Variants in NBEAL1 observed in about 807,000 individuals in gnomAD.
NBEAL1 encodes the protein neurobeachin like 1.
A neutral mutation model predicts 351.3 loss-of-function variants in NBEAL1; 273 were observed. The ratio of observed to expected loss-of-function variants is 0.78; its 90% CI spans 0.70 to 0.86. The LOEUF (loss-of-function observed/expected upper bound fraction) is 0.86. Ranked by LOEUF, NBEAL1 falls within the 40% of genes least tolerant of loss-of-function variation. The probability of loss-of-function intolerance (pLI) is 0.00; values close to 1 mark genes in which losing one functional copy is unlikely to be tolerated. For synonymous variants in NBEAL1, 1,050 were observed against 1,086.4 expected, an observed-to-expected ratio of 0.97 and a Z score of 0.66; for missense variants, 2,961 against 3,201.3, an observed-to-expected ratio of 0.92 and a Z score of 1.81.
intron 2 of NBEAL1, among the ~76,000 whole-genome samples, chr2:203,034,046 G>A (rs1450299030): frequency 6.6e-6 from 1 of 151,558 alleles, no homozygotes; most frequent in African/African-American, 2.4e-5. Flanking sequence ...GCATTTACTT[G>A]TTTATACCTC....
intron 35 of NBEAL1, 43 bp from the exon 36 acceptor site, chr2:203,157,656 G>T: frequency 6.8e-7 from 1 of 1,464,848 alleles, no homozygotes; most frequent in Non-Finnish European, 9.1e-7. Context: ...CTATAATATT[G>T]TTTTTTACTT....
chr2:203,054,225 G>A (rs1392896692), intron 4 of NBEAL1, among the ~76,000 whole-genome samples: 1 of 151,868 alleles, frequency 6.6e-6, no homozygotes, highest in East Asian at 1.9e-4. Flanking sequence ...CAGGAGTTCC[G>A]GACCAGCCTG....
At chr2:203,086,830 C>T (rs988879011) in intron 10 of NBEAL1, among the ~76,000 whole-genome samples, 2 of 152,168 alleles carry the variant, frequency 1.3e-5, no homozygotes, top group Non-Finnish European at 2.9e-5. Context: ...CCACCGTGCC[C>T]GGCCTGCTTT....
At chr2:203,116,851 C>A (rs2062711854) in intron 18 of NBEAL1, among the ~76,000 whole-genome samples, 1 of 151,072 alleles carries the variant, frequency 6.6e-6, no homozygotes, top group African/African-American at 2.4e-5. Flanking sequence ...CCTGTAATAC[C>A]AGCACTTTAG....
In NBEAL1 at chr2:203,126,043, A is replaced by T. The variant is rs2106283015; in HGVS notation, c.2935A>T (p.Asn979Tyr). The T allele has an allele frequency of 7.8e-6, 12 of 1,543,886 alleles. No homozygotes were observed. In the South Asian group the frequency reaches 1.5e-4, roughly 19 times the overall value. Residue 979 changes from asparagine (N) to tyrosine (Y), a missense_variant, in exon 21 of 56, where the codon AAT becomes TAT. Transcript: ENST00000683969. Reference sequence around the variant, plus strand: ...TCAGAGACATCCTATCAACCAGGGCAATCTTATTCACTCCCATGGAGTTGC... The same window carrying T: ...TCAGAGACATCCTATCAACCAGGGCTATCTTATTCACTCCCATGGAGTTGC... ...FIQRHPINQG[N>Y]LIHSHGVATL...
chr2:203,189,710 C>A (rs992153596), intron 45 of NBEAL1, among the ~76,000 whole-genome samples: 4 of 151,754 alleles, frequency 2.6e-5, no homozygotes, highest in Non-Finnish European at 4.4e-5. Context: ...CATAGAATAT[C>A]ATTTAACTTT....
chr2:203,099,693 A>G lies in NBEAL1; in HGVS notation c.1250A>G (p.Asn417Ser). The G allele has an allele frequency of 6.5e-7, 1 of 1,549,328 alleles. No individual in the cohort carries two copies. Among genetic ancestry groups the G allele is most frequent in the Admixed American group, 2.0e-5 (1 of 50,584 alleles). ...STIQALTAVM[N>S]KSPAAKEVFK... is the part of the protein sequence containing the mutation. ...ATTCAGGCTTTGACCGCAGTAATGA[A>G]CAAATCTCCAGCTGCTAAGGTGAAA... Residue 417 changes from asparagine (N) to serine (S), a missense_variant, in exon 12 of 56, where the codon AAC becomes AGC. Transcript: ENST00000683969.
At chr2:203,155,259 A>AT (rs893088672) in intron 35 of NBEAL1, among the ~76,000 whole-genome samples, 1 of 151,334 alleles carries the variant, frequency 6.6e-6, no homozygotes, top group African/African-American at 2.4e-5. Flanking sequence ...AAAAAAAAAA[A>AT]AAAATTGATT....
At chr2:203,185,730 G>T (rs891053145) in intron 44 of NBEAL1, among the ~76,000 whole-genome samples, 1 of 152,120 alleles carries the variant, frequency 6.6e-6, no homozygotes, top group Non-Finnish European at 1.5e-5. Context: ...GTAATGTCAG[G>T]ATATCTCCTC....
At position 203,202,815 on chromosome 2, in the gene NBEAL1, C is replaced by T. The variant is rs767521251; in HGVS notation, c.7506+34C>T. 4 of 1,192,972 alleles carry T rather than the reference C, an allele frequency of 3.4e-6. No individual in the cohort carries two copies. The South Asian group carries it at 5.0e-5, about 15-fold the overall frequency. 73.9% of individuals were successfully genotyped at this position (1,192,972 alleles called of 1,614,324 possible). A position where few individuals can be genotyped will look rare whatever the true frequency, so the allele number is the denominator to read the frequency against. On this transcript the variant is annotated intron_variant, in intron 51 of 55. Coordinates refer to ENST00000683969, the MANE Select transcript of NBEAL1 (RefSeq NM_001378026.1). ...ACATTTAAATGTTCTTGAATTAGGT[C>T]AGAGATTCACCCTGAGAATACTAGC... is the stretch of plus-strand genomic sequence containing the variant.
rs1203980980 is a variant in NBEAL1 at position 203,172,005 on chromosome 2, C to T, written c.6180C>T (p.Asp2060=). The T allele has an allele frequency of 6.3e-7, 1 of 1,596,012 alleles. No individual in the cohort carries two copies. The highest frequency in any genetic ancestry group is 1.8e-5 in the Admixed American group (1 of 55,702). ...INTMAGRTYN[D]LAQYPVFPWI... Reference sequence around the variant, plus strand: ...CAATGGCAGGACGAACCTATAATGACCTTGCACAGTATCCTGTGGTAAGTT... The same window carrying T: ...CAATGGCAGGACGAACCTATAATGATCTTGCACAGTATCCTGTGGTAAGTT... The change falls in exon 40 of 56, where the codon GAC becomes GAT. Residue 2060 remains aspartate, a synonymous_variant. Coordinates refer to ENST00000683969, the MANE Select transcript of NBEAL1 (RefSeq NM_001378026.1).
At chr2:203,162,722 C>T (rs2064005600) in intron 36 of NBEAL1, among the ~76,000 whole-genome samples, 1 of 152,070 alleles carries the variant, frequency 6.6e-6, no homozygotes, top group African/African-American at 2.4e-5. Context: ...CAGATTTTCT[C>T]TAACAAAAAT....
chr2:203,178,425 C>CTTTAATGTAGGCATTAAAGAGGAGATT (rs1478672177), intron 42 of NBEAL1, among the ~76,000 whole-genome samples: 1 of 152,114 alleles, frequency 6.6e-6, no homozygotes, highest in African/African-American at 2.4e-5. Flanking sequence ...CCATGGCCTA[C>CTTTAATGTAGGCATTAAAGAGGAGATT]CAAAGTGCTG....
intron 22 of NBEAL1, 39 bp downstream of exon 22, chr2:203,126,755 T>C (rs2062945556): frequency 1.3e-6 from 2 of 1,518,278 alleles, no homozygotes. Context: ...TATAGTTGTT[T>C]TAGAAATTTA....
At chr2:203,065,476 G>A (rs1170101642) in intron 6 of NBEAL1, among the ~76,000 whole-genome samples, 1 of 152,204 alleles carries the variant, frequency 6.6e-6, no homozygotes, top group African/African-American at 2.4e-5. Context: ...TGGTGGCTGG[G>A]GCGCGGTGGC....
intron 11 of NBEAL1, 107 bp from the exon 12 acceptor site, chr2:203,099,522 G>A: frequency 1.6e-6 from 1 of 637,288 alleles, no homozygotes; most frequent in Non-Finnish European, 2.7e-6. Context: ...GGAATGTAAT[G>A]CATGTTAAGT....
chr2:203,149,122 A>G lies in NBEAL1; in HGVS notation c.5436A>G (p.Thr1812=), dbSNP rs1462631028. ...GGAAAGCAATACAGCTCTATCTTACATGTGAAAGGGGACCTTGGGCTAAAA... is the reference window on the plus strand; with the variant it reads ...GGAAAGCAATACAGCTCTATCTTACGTGTGAAAGGGGACCTTGGGCTAAAA... ...RRWKAIQLYL[T]CERGPWAKRK... The change falls in exon 34 of 56, where the codon ACA becomes ACG. Residue 1812 remains threonine (T), a synonymous_variant. Coordinates refer to ENST00000683969, the MANE Select transcript of NBEAL1 (RefSeq NM_001378026.1). 15 of 1,603,022 alleles carry G rather than the reference A, an allele frequency of 9.4e-6. No individual in the cohort carries two copies. In the Admixed American group the frequency reaches 2.4e-4, roughly 25 times the overall value.
intron 43 of NBEAL1, chr2:203,182,621 A>G (rs1303330264): frequency 2.0e-5 from 3 of 152,210 alleles, no homozygotes; most frequent in Non-Finnish European, 4.4e-5. Flanking sequence ...GCATTCTGTC[A>G]TTTTATGACA....
intron 6 of NBEAL1, among the ~76,000 whole-genome samples, chr2:203,063,988 A>C (rs936196987): frequency 2.0e-5 from 3 of 152,168 alleles, no homozygotes; most frequent in African/African-American, 7.2e-5. Context: ...TCAGGCAAGA[A>C]TCATTCATGG....
Sources: gnomAD v4.1 joint callset for allele counts (sites outside exome capture counted in the v4.1 genomes callset) on GRCh38, gnomAD v4.1.1 for gene constraint, MANE v1.5 for transcripts, NCBI Gene and HGNC (gene_info 2026-07-23, HGNC 2026-07-21) for gene names.